MACC1: variants seen among roughly 807,000 people sequenced by gnomAD.
MACC1 encodes the protein metastasis-associated in colon cancer protein 1.
Under a neutral mutation model 70.7 loss-of-function variants are expected in MACC1, and 79 were observed. The observed-to-expected ratio is 1.12, with a 90% CI of 0.93 to 1.35. The LOEUF is 1.35. Ranked by LOEUF, MACC1 falls within the 40% of genes most tolerant of loss-of-function variation. The pLI is 0.00. For synonymous variants in MACC1, 361 were observed against 347.2 expected, an observed-to-expected ratio of 1.04 and a Z score of -0.44; for missense variants, 1,106 against 978.1, an observed-to-expected ratio of 1.13 and a Z score of -1.74.
chr7:20,197,761 A>T (rs763475425), intron 1 of MACC1, among the ~76,000 whole-genome samples: 3 of 152,248 alleles, frequency 2.0e-5, no homozygotes, highest in Non-Finnish European at 2.9e-5. Context: ...TTTCAAAGTC[A>T]TGATTTATAA....
chr7:20,199,286 G>A (rs895671884), intron 1 of MACC1, among the ~76,000 whole-genome samples: 6 of 152,238 alleles, frequency 3.9e-5, no homozygotes, highest in African/African-American at 1.4e-4. Flanking sequence ...GTAGAAATGT[G>A]ATCCACAGAT....
intron 1 of MACC1, among the ~76,000 whole-genome samples, chr7:20,173,100 G>T (rs1002454514): frequency 1.3e-5 from 2 of 152,100 alleles, no homozygotes; most frequent in Admixed American, 6.5e-5. Context: ...AAATACAGAT[G>T]CCCAGAAATC....
chr7:20,141,542 C>T (rs1781802521), intron 6 of MACC1, among the ~76,000 whole-genome samples: 1 of 100,870 alleles, frequency 9.9e-6, no homozygotes, highest in Non-Finnish European at 1.8e-5. Flanking sequence ...TTATACCTAT[C>T]TGTGGTGAGT....
chr7:20,192,353 T>C (rs1187854630), intron 1 of MACC1, among the ~76,000 whole-genome samples: 2 of 152,200 alleles, frequency 1.3e-5, no homozygotes, highest in East Asian at 1.9e-4. Flanking sequence ...AGACCAGCCA[T>C]TGTGATTTGC....
At chr7:20,165,649 T>C (rs1782206025) in intron 2 of MACC1, among the ~76,000 whole-genome samples, 1 of 152,140 alleles carries the variant, frequency 6.6e-6, no homozygotes, top group African/African-American at 2.4e-5. Flanking sequence ...TATGTTTTCT[T>C]CCAATTAAAC....
At chr7:20,174,743 T>G (rs1406132431) in intron 1 of MACC1, among the ~76,000 whole-genome samples, 1 of 152,156 alleles carries the variant, frequency 6.6e-6, no homozygotes, top group African/African-American at 2.4e-5. Context: ...TATCTCTGAA[T>G]GCAAAATAAT....
chr7:20,216,201 C>A (rs1180044117), intron 1 of MACC1, among the ~76,000 whole-genome samples: 1 of 151,976 alleles, frequency 6.6e-6, no homozygotes, highest in African/African-American at 2.4e-5. Flanking sequence ...CAATATCAAT[C>A]CTAAATTAGA....
chr7:20,199,500 G>A lies in MACC1; in HGVS notation c.-218+17799C>T, dbSNP rs137862965. On this transcript the variant is annotated intron_variant, in intron 1 of 6. Transcript: ENST00000400331. The stretch of plus-strand genomic sequence containing the variant: ...CCTTGATTGGCAGAATGGATGCCTT[G>A]GCAACCACTTGGCCTGAAACCAACC... Among the ~76,000 whole-genome samples the A allele has an allele frequency of 9.2e-4, 140 of 152,308 alleles. 1 individual carries two copies. Among genetic ancestry groups the A allele is most frequent in the African/African-American group, 3.2e-3 (135 of 41,568 alleles).
At chr7:20,178,280 CACACACACACACACACACT>C (rs1782428102) in intron 1 of MACC1, among the ~76,000 whole-genome samples, 1 of 152,016 alleles carries the variant, frequency 6.6e-6, no homozygotes, top group East Asian at 1.9e-4. Flanking sequence ...CACACACACA[CACACACACACACACACACT>C]CCAGAGAATA....
intron 3 of MACC1, among the ~76,000 whole-genome samples, chr7:20,163,804 A>C (rs1469684591): frequency 6.6e-6 from 1 of 152,226 alleles, no homozygotes; most frequent in East Asian, 1.9e-4. Flanking sequence ...TTACTTGTTC[A>C]TGTTATAACT....
rs563865065 is a variant in MACC1 at position 20,160,012 on chromosome 7, C to T, written c.349G>A (p.Gly117Ser). The T allele has an allele frequency of 5.1e-5, 83 of 1,612,106 alleles. No individual in the cohort carries two copies. The highest frequency in any genetic ancestry group is 1.2e-4 in the Admixed American group (7 of 59,562). The change falls in exon 5 of 7, where the codon GGT becomes AGT. Residue 117 changes from glycine (G) to serine (S), a missense_variant. By Grantham distance (56) the Gly-to-Ser change is moderately conservative. Coordinates refer to ENST00000400331, the MANE Select transcript of MACC1 (RefSeq NM_182762.4). ...IENGNSFDSS[G>S]DELDVHQLLR... The stretch of plus-strand genomic sequence containing the variant: ...AACTGATGCACATCAAGTTCATCAC[C>T]GGAGGAATCAAAAGAATTTCCATTT...
chr7:20,197,406 A>G (rs1219995645), intron 1 of MACC1, among the ~76,000 whole-genome samples: 1 of 152,168 alleles, frequency 6.6e-6, no homozygotes, highest in Non-Finnish European at 1.5e-5. Context: ...AAAGAATCAC[A>G]TGGCTTTGTG....
At chr7:20,169,123 G>T (rs1782263550) in intron 2 of MACC1, among the ~76,000 whole-genome samples, 1 of 152,158 alleles carries the variant, frequency 6.6e-6, no homozygotes, top group Admixed American at 6.5e-5. Context: ...CAAAGCTGTA[G>T]TACTTTCATT....
intron 1 of MACC1, among the ~76,000 whole-genome samples, chr7:20,205,931 T>C (rs1258040374): frequency 1.3e-5 from 2 of 152,138 alleles, no homozygotes; most frequent in African/African-American, 2.4e-5. Flanking sequence ...CTCACATCAA[T>C]ATATCTCTTC....
rs1238765403 is a variant in MACC1 at position 20,159,692 on chromosome 7, C to T, written c.669G>A (p.Gly223=). 1 of 1,614,036 alleles carries T rather than the reference C, an allele frequency of 6.2e-7. No homozygotes were observed. The highest frequency in any genetic ancestry group is 1.3e-5 in the African/African-American group (1 of 74,926). ...TIACKVNHQG[G]SVQLPESDIT... The stretch of plus-strand genomic sequence containing the variant: ...TGTCTGATTCAGGTAATTGTACTGA[C>T]CCTCCTTGATGGTTTACTTTGCAAG... Residue 223 remains glycine (G), a synonymous_variant, in exon 5 of 7, where the codon GGG becomes GGA. Transcript: ENST00000400331.
In MACC1 at chr7:20,148,303, C is replaced by T. The variant is rs184807034; in HGVS notation, c.2346+5890G>A. Among the ~76,000 whole-genome samples the T allele has an allele frequency of 8.1e-4, 124 of 152,284 alleles. 1 individual carries two copies. Among genetic ancestry groups the T allele is most frequent in the South Asian group, 8.3e-4 (4 of 4,824 alleles). Reference sequence around the variant, plus strand: ...AGTTTAAAGTTAAGAAACAAAATCACAGTCAACTATCCAGGAAAAGAACCC... The same window carrying T: ...AGTTTAAAGTTAAGAAACAAAATCATAGTCAACTATCCAGGAAAAGAACCC... On this transcript the variant is annotated intron_variant, in intron 6 of 6. Coordinates refer to ENST00000400331, the MANE Select transcript of MACC1 (RefSeq NM_182762.4).
intron 5 of MACC1, among the ~76,000 whole-genome samples, chr7:20,156,796 T>C (rs1391801374): frequency 1.3e-5 from 2 of 152,234 alleles, no homozygotes; most frequent in Non-Finnish European, 1.5e-5. Flanking sequence ...GAATCATTGT[T>C]AATGCCACAG....
intron 1 of MACC1, among the ~76,000 whole-genome samples, chr7:20,191,700 T>G (rs1375711730): frequency 6.6e-6 from 1 of 152,194 alleles, no homozygotes; most frequent in African/African-American, 2.4e-5. Context: ...CTCGTCTTCA[T>G]TTTATCCTTC....
intron 1 of MACC1, among the ~76,000 whole-genome samples, chr7:20,184,590 C>A (rs57372969): frequency 0.11 from 17,287 of 152,168 alleles, 1,173 homozygotes; most frequent in Non-Finnish European, 0.15. Context: ...ATCTGTATAA[C>A]TATACTCATG....
Sources: allele counts gnomAD v4.1 joint callset (sites outside exome capture counted in the v4.1 genomes callset), GRCh38; gene constraint gnomAD v4.1.1; transcripts MANE v1.5; gene names NCBI Gene and HGNC (gene_info 2026-07-23, HGNC 2026-07-21).